FOCAD: variants seen among roughly 807,000 people sequenced by gnomAD.
FOCAD encodes focadhesin, also known as KIAA1797.
FOCAD carries 198 observed loss-of-function variants against 225.6 expected under a neutral mutation model. That is an observed-to-expected ratio of 0.88 (90% CI 0.78 to 0.99). The LOEUF (loss-of-function observed/expected upper bound fraction) is 0.99, where lower values mean the gene tolerates loss of function less well. FOCAD is among the 50% of genes least tolerant of loss of function. The pLI is 0.00. For missense variants in FOCAD, 2,713 were observed against 2,123.6 expected, an observed-to-expected ratio of 1.28 and a Z score of -5.46; for synonymous variants, 897 against 755.0, an observed-to-expected ratio of 1.19 and a Z score of -3.08.
intron 34 of FOCAD, 94 bp downstream of exon 34, chr9:20,951,192 C>T: frequency 1.1e-6 from 1 of 923,550 alleles, no homozygotes; most frequent in Non-Finnish European, 1.7e-6. Flanking sequence ...TTCACAACAA[C>T]CCTAAGTAAT....
rs530888971 is a variant in FOCAD, at chr9:20,707,720, C to T, written c.-32-7602C>T. ...AAAGGGGAGGTTGGTCTTGCTGTCT[C>T]AGGGGTGCCAGAGGTAGAAGAAAAG... On this transcript the variant is annotated intron_variant, in intron 1 of 43. Coordinates refer to ENST00000338382, the MANE Select transcript of FOCAD (RefSeq NM_001375567.1). Among the ~76,000 whole-genome samples, 12 of 152,212 alleles carry T rather than the reference C, an allele frequency of 7.9e-5. No individual in the cohort carries two copies. In the South Asian group the frequency reaches 2.3e-3, roughly 29 times the overall value.
chr9:20,967,939 T>C (rs1307386216), intron 35 of FOCAD, among the ~76,000 whole-genome samples: 2 of 152,158 alleles, frequency 1.3e-5, no homozygotes, highest in Non-Finnish European at 1.5e-5. Context: ...TCCTTTTTTA[T>C]GATGTCTATG....
At chr9:20,788,080 A>G (rs369758546) in intron 10 of FOCAD, among the ~76,000 whole-genome samples, 2 of 152,230 alleles carry the variant, frequency 1.3e-5, no homozygotes, top group Non-Finnish European at 2.9e-5. Flanking sequence ...ATATCCATCC[A>G]TTGATAGTGG....
At chr9:20,787,065 G>C in intron 10 of FOCAD, 1 of 374,570 alleles carries the variant, frequency 2.7e-6, no homozygotes, top group East Asian at 8.2e-5. Flanking sequence ...TTCTCCTGCT[G>C]CTCTAACCTT....
chr9:20,783,468 T>G (rs1819607889), intron 10 of FOCAD, among the ~76,000 whole-genome samples: 1 of 152,170 alleles, frequency 6.6e-6, no homozygotes, highest in Non-Finnish European at 1.5e-5. Flanking sequence ...AGTCTCTTCC[T>G]GAATCTTTGC....
chr9:20,928,650 A>G (rs1835180884), intron 26 of FOCAD, among the ~76,000 whole-genome samples: 1 of 152,056 alleles, frequency 6.6e-6, no homozygotes, highest in Non-Finnish European at 1.5e-5. Context: ...GCTGTTATTC[A>G]TTTCTTTTCC....
intron 35 of FOCAD, among the ~76,000 whole-genome samples, chr9:20,960,419 T>C (rs1838596222): frequency 6.6e-6 from 1 of 152,216 alleles, no homozygotes; most frequent in Non-Finnish European, 1.5e-5. Context: ...CTTATTCTTT[T>C]ACCCTTATTT....
At chr9:20,913,255 G>A (rs1009907352) in intron 23 of FOCAD, among the ~76,000 whole-genome samples, 1 of 150,736 alleles carries the variant, frequency 6.6e-6, no homozygotes, top group Non-Finnish European at 1.5e-5. Context: ...TATTTTATAT[G>A]CTTTTGAATG....
At position 20,937,921 on chromosome 9, in the gene FOCAD, A is replaced by G. The variant is rs568281682; in HGVS notation, c.3407+4818A>G. ...AACCCCATCAACAAGTGGGCAAAGG[A>G]TATGAACAGACACTTCTCAAAAGAA... On this transcript the variant is annotated intron_variant, in intron 28 of 43. Transcript: ENST00000338382. Among the ~76,000 whole-genome samples the G allele has an allele frequency of 2.0e-5, 3 of 152,236 alleles. No homozygotes were observed. The East Asian group carries it at 5.8e-4, about 29-fold the overall frequency.
intron 15 of FOCAD, among the ~76,000 whole-genome samples, chr9:20,857,400 C>T (rs1045635823): frequency 1.3e-5 from 2 of 151,412 alleles, no homozygotes; most frequent in Admixed American, 6.6e-5. Flanking sequence ...TCAGATTGTC[C>T]ATTGTTGGCA....
intron 24 of FOCAD, among the ~76,000 whole-genome samples, chr9:20,922,840 T>C (rs1333712100): frequency 6.6e-6 from 1 of 152,228 alleles, no homozygotes; most frequent in African/African-American, 2.4e-5. Flanking sequence ...AGCATCTGAT[T>C]GGTGTCCCAT....
At chr9:20,674,820 C>G (rs190764900) in intron 2 of FOCAD, among the ~76,000 whole-genome samples, 1 of 152,040 alleles carries the variant, frequency 6.6e-6, no homozygotes, top group African/African-American at 2.4e-5. Context: ...TTTCTTCTGC[C>G]CCATGGTTAT....
intron 2 of FOCAD, among the ~76,000 whole-genome samples, chr9:20,716,698 A>G (rs1291218717): frequency 6.6e-6 from 1 of 152,086 alleles, no homozygotes; most frequent in African/African-American, 2.4e-5. Flanking sequence ...TGTTAGCACC[A>G]TATTTCTTTG....
At chr9:20,894,617 G>T (rs955775445) in intron 21 of FOCAD, among the ~76,000 whole-genome samples, 2 of 152,006 alleles carry the variant, frequency 1.3e-5, no homozygotes, top group Non-Finnish European at 2.9e-5. Context: ...GAAGCATTTT[G>T]TATATGCTTA....
chr9:20,978,291 T>G, intron 36 of FOCAD, 48 bp from the exon 37 acceptor site: 1 of 1,256,934 alleles, frequency 8.0e-7, no homozygotes, highest in East Asian at 2.6e-5. Context: ...TGAAAATGAG[T>G]CAGGAAAGTA....
At chr9:20,886,623 G>A (rs960883049) in intron 21 of FOCAD, among the ~76,000 whole-genome samples, 1 of 152,152 alleles carries the variant, frequency 6.6e-6, no homozygotes, top group Non-Finnish European at 1.5e-5. Context: ...TGCTTGTGCT[G>A]TAGAGAGTCT....
chr9:20,948,402 C>A lies in FOCAD; in HGVS notation c.3798+9C>A. The A allele has an allele frequency of 6.2e-7, 1 of 1,607,696 alleles. No homozygotes were observed. Among genetic ancestry groups the A allele is most frequent in the South Asian group, 1.1e-5 (1 of 89,720 alleles). On this transcript the variant is annotated intron_variant, in intron 31 of 43. Coordinates refer to ENST00000338382, the MANE Select transcript of FOCAD (RefSeq NM_001375567.1). ...GAATTGTTCTAACAGAGGTAGAGGT[C>A]ACCTGTTGTATGCTATTTCATATTT... is the stretch of plus-strand genomic sequence containing the variant.
At chr9:20,887,818 A>C (rs572049785) in intron 21 of FOCAD, among the ~76,000 whole-genome samples, 1 of 152,284 alleles carries the variant, frequency 6.6e-6, no homozygotes, top group South Asian at 2.1e-4. Context: ...AAGGTATGAG[A>C]GTTTCAGTTG....
At chr9:20,775,894 A>G (rs1012587763) in intron 8 of FOCAD, among the ~76,000 whole-genome samples, 5 of 151,212 alleles carry the variant, frequency 3.3e-5, no homozygotes, top group African/African-American at 9.7e-5. Context: ...TATATATTTT[A>G]TTTCCTTATT....
Sources: allele counts gnomAD v4.1 joint callset (sites outside exome capture counted in the v4.1 genomes callset), GRCh38; gene constraint gnomAD v4.1.1; transcripts MANE v1.5; gene names NCBI Gene and HGNC (gene_info 2026-07-23, HGNC 2026-07-21).